The following KAT2B variants were observed in gnomAD, a reference collection of about 807,000 sequenced individuals.
The protein encoded by KAT2B is histone acetyltransferase KAT2B.
Under a neutral mutation model 105.9 loss-of-function variants are expected in KAT2B, and 36 were observed. The observed-to-expected ratio is 0.34, with a 90% CI of 0.26 to 0.45. KAT2B has a LOEUF of 0.45. Ranked by LOEUF, KAT2B falls within the 20% of genes least tolerant of loss-of-function variation. The probability of loss-of-function intolerance (pLI) is 1.00; values close to 1 mark genes in which losing one functional copy is unlikely to be tolerated. For synonymous variants in KAT2B, 397 were observed against 377.9 expected (o/e 1.05, Z -0.59); for missense variants, 820 against 1,021.6 (o/e 0.80, Z 2.69).
intron 9 of KAT2B, 36 bp from the exon 10 acceptor site, chr3:20,125,869 G>T: frequency 6.5e-7 from 1 of 1,537,816 alleles, no homozygotes; most frequent in South Asian, 1.1e-5. Context: ...TGAGAGAATA[G>T]CTCTGTGTAA....
At chr3:20,148,049 C>A in intron 15 of KAT2B, 50 bp downstream of exon 15, 1 of 1,564,616 alleles carries the variant, frequency 6.4e-7, no homozygotes, top group African/African-American at 1.4e-5. Flanking sequence ...TTTTTTTTTC[C>A]CCACCAAGCA....
At chr3:20,102,854 G>A (rs180815234) in intron 5 of KAT2B, among the ~76,000 whole-genome samples, 2 of 152,232 alleles carry the variant, frequency 1.3e-5, no homozygotes, top group African/African-American at 4.8e-5. Context: ...ATTTAAAGTG[G>A]GCAGTAGTAT....
At chr3:20,102,643 A>T (rs1362590818) in intron 5 of KAT2B, among the ~76,000 whole-genome samples, 2 of 152,234 alleles carry the variant, frequency 1.3e-5, no homozygotes, top group Non-Finnish European at 2.9e-5. Flanking sequence ...TTACTTGCAG[A>T]ATAACAGAAT....
chr3:20,114,780 A>G (rs1453148090), intron 6 of KAT2B, 102 bp from the exon 7 acceptor site: 2 of 641,854 alleles, frequency 3.1e-6, no homozygotes, highest in Non-Finnish European at 5.5e-6. Flanking sequence ...TTCTGATTGA[A>G]GGTTTGAGAC....
At chr3:20,134,876 T>C (rs1165399777) in intron 11 of KAT2B, among the ~76,000 whole-genome samples, 1 of 152,098 alleles carries the variant, frequency 6.6e-6, no homozygotes, top group African/African-American at 2.4e-5. Flanking sequence ...ATTTTGACTT[T>C]TTTTTACTTA....
chr3:20,091,871 T>G (rs1698724591), intron 2 of KAT2B, among the ~76,000 whole-genome samples: 1 of 152,188 alleles, frequency 6.6e-6, no homozygotes, highest in African/African-American at 2.4e-5. Context: ...TTGAAAGGAA[T>G]GGCAAAAATG....
intron 2 of KAT2B, among the ~76,000 whole-genome samples, chr3:20,092,447 C>T (rs1698737203): frequency 6.6e-6 from 1 of 151,832 alleles, no homozygotes; most frequent in South Asian, 2.1e-4. Context: ...CCCCACTGGT[C>T]TCAAACTCCT....
rs1485639697 is a variant in KAT2B at position 20,152,618 on chromosome 3, T to C, written c.*93T>C. ...TTACAAAGAATTGGACATGATGTAT[T>C]GAAGAGACTTGTAAATGTAATAATT... is the stretch of plus-strand genomic sequence containing the variant. On this transcript the variant is annotated 3_prime_UTR_variant, in exon 18 of 18. Coordinates refer to ENST00000263754, the MANE Select transcript of KAT2B (RefSeq NM_003884.5). The C allele has an allele frequency of 3.2e-6, 3 of 938,848 alleles. No individual in the cohort carries two copies. Among genetic ancestry groups the C allele is most frequent in the African/African-American group, 3.3e-5 (2 of 60,186 alleles). The allele number at this position is 938,848 out of a possible 1,614,324, so 58.2% of individuals were successfully genotyped here. A position where few individuals can be genotyped will look rare whatever the true frequency, so the allele number is the denominator to read the frequency against.
intron 2 of KAT2B, among the ~76,000 whole-genome samples, chr3:20,082,847 A>T (rs1263064172): frequency 6.6e-6 from 1 of 152,222 alleles, no homozygotes; most frequent in East Asian, 1.9e-4. Context: ...CATAAGGTTT[A>T]TTCAAGGTGG....
At chr3:20,048,623 G>A (rs1013995638) in intron 1 of KAT2B, among the ~76,000 whole-genome samples, 4 of 152,150 alleles carry the variant, frequency 2.6e-5, no homozygotes, top group African/African-American at 4.8e-5. Flanking sequence ...TGAATACTCC[G>A]TGTAGTGCCA....
intron 17 of KAT2B, among the ~76,000 whole-genome samples, chr3:20,149,656 T>C (rs758121013): frequency 1.5e-4 from 23 of 152,082 alleles, no homozygotes; most frequent in Non-Finnish European, 2.8e-4. Context: ...TAGTAATGAT[T>C]TCAGTAGCCT....
At chr3:20,128,491 G>T (rs1478999267) in intron 11 of KAT2B, among the ~76,000 whole-genome samples, 1 of 151,916 alleles carries the variant, frequency 6.6e-6, no homozygotes, top group East Asian at 1.9e-4. Flanking sequence ...TTTTTGTTTT[G>T]TTTTGTTTTT....
intron 17 of KAT2B, 41 bp downstream of exon 17, chr3:20,148,528 T>G: frequency 2.2e-6 from 3 of 1,386,090 alleles, no homozygotes; most frequent in Non-Finnish European, 3.0e-6. Context: ...TTTAAAACTC[T>G]GGATGGCGGT....
At chr3:20,152,224 A>T in intron 17 of KAT2B, 108 bp from the exon 18 acceptor site, 1 of 656,676 alleles carries the variant, frequency 1.5e-6, no homozygotes, top group Non-Finnish European at 2.5e-6. Context: ...CATTGGGATG[A>T]TAAAAATGTA....
chr3:20,070,251 C>G (rs1311972886), intron 1 of KAT2B, among the ~76,000 whole-genome samples: 2 of 151,960 alleles, frequency 1.3e-5, no homozygotes, highest in African/African-American at 4.8e-5. Flanking sequence ...GCAGATTTTT[C>G]TTCTACCATG....
chr3:20,146,189 C>T, intron 13 of KAT2B, 127 bp from the exon 14 acceptor site: 1 of 649,766 alleles, frequency 1.5e-6, no homozygotes, highest in Non-Finnish European at 2.8e-6. Context: ...ATAGCATTCA[C>T]CCCTTTCTCC....
intron 12 of KAT2B, among the ~76,000 whole-genome samples, chr3:20,139,842 A>G (rs1343634690): frequency 6.6e-6 from 1 of 152,156 alleles, no homozygotes; most frequent in African/African-American, 2.4e-5. Flanking sequence ...GATCAATGTT[A>G]GTTATTGATT....
chr3:20,094,957 A>G (rs998289472), intron 2 of KAT2B, among the ~76,000 whole-genome samples: 20 of 152,162 alleles, frequency 1.3e-4, no homozygotes, highest in African/African-American at 4.8e-4. Context: ...AGTTGACCCT[A>G]TTAGGACCAG....
chr3:20,111,090 T>A (rs1444690923), intron 5 of KAT2B, among the ~76,000 whole-genome samples: 1 of 152,196 alleles, frequency 6.6e-6, no homozygotes, highest in Non-Finnish European at 1.5e-5. Context: ...TTCTGATTCT[T>A]TCACAAAAGG....
Sources: allele counts gnomAD v4.1 joint callset (sites outside exome capture counted in the v4.1 genomes callset), GRCh38; gene constraint gnomAD v4.1.1; transcripts MANE v1.5; gene names NCBI Gene and HGNC (gene_info 2026-07-23, HGNC 2026-07-21).